Variants in PIGY observed in about 807,000 individuals in gnomAD.
The protein encoded by PIGY is phosphatidylinositol N-acetylglucosaminyltransferase subunit Y.
In PIGY, 3 loss-of-function variants were observed where a neutral mutation model predicts 4.1. The ratio of observed to expected loss-of-function variants is 0.73; its 90% CI spans 0.33 to 1.89. The LOEUF is 1.89. Among genes scored for constraint, PIGY ranks in the 40% most tolerant of loss-of-function variants. The pLI is 0.08. For synonymous variants in PIGY, 33 were observed against 31.4 expected (o/e 1.05, Z -0.18); for missense variants, 78 against 80.3 (o/e 0.97, Z 0.11).
rs1742476383 is a variant in PIGY at position 88,523,748 on chromosome 4, G to A, written c.-491C>T. The A allele has an allele frequency of 1.4e-6, 2 of 1,392,434 alleles. No homozygotes were observed. Among genetic ancestry groups the A allele is most frequent in the Non-Finnish European group, 1.9e-6 (2 of 1,078,382 alleles). 86.3% of individuals were successfully genotyped at this position (1,392,434 alleles called of 1,614,324 possible). A position where few individuals can be genotyped will look rare whatever the true frequency, so the allele number is the denominator to read the frequency against. On this transcript the variant is annotated 5_prime_UTR_variant, in exon 1 of 2. Coordinates refer to ENST00000527353, the MANE Select transcript of PIGY (RefSeq NM_001042616.3). Reference sequence around the variant, plus strand: ...CCTCACCGCAGCCTCGCCACCCGTGGCCGAGCTCCCGGCTTCCCGTTCGTC... The same window carrying A: ...CCTCACCGCAGCCTCGCCACCCGTGACCGAGCTCCCGGCTTCCCGTTCGTC...
At chr4:88,523,462 G>A in intron 1 of PIGY, 36 bp downstream of exon 1, 1 of 1,548,906 alleles carries the variant, frequency 6.5e-7, no homozygotes, top group Non-Finnish European at 8.7e-7. Flanking sequence ...CGCCCACCGG[G>A]AGGCTGCAAA....
Position 88,522,358 on chromosome 4 carries a change from C to G in PIGY, c.-240-329G>C, listed in dbSNP as rs146793473. ...ATTCCTTCATTACTTTGGTCAACCC[C>G]CAAACCATCCCTGTTAATTTACTAC... On this transcript the variant is annotated intron_variant, in intron 1 of 1. Transcript: ENST00000527353. Among the ~76,000 whole-genome samples, 612 of 152,256 alleles carry G rather than the reference C, an allele frequency of 4.0e-3. 6 individuals are homozygous for G. Among genetic ancestry groups the G allele is most frequent in the African/African-American group, 0.013 (547 of 41,544 alleles).
rs1742364298 is a variant in PIGY, at chr4:88,521,305, A to G, written c.*269T>C. Reference sequence around the variant, plus strand: ...GAATGGAATAAGAAATAGTCATCACATGTCAATTAGGGATGTTCATCTCCA... The same window carrying G: ...GAATGGAATAAGAAATAGTCATCACGTGTCAATTAGGGATGTTCATCTCCA... On this transcript the variant is annotated 3_prime_UTR_variant, in exon 2 of 2. Transcript: ENST00000527353. 2.5e-6 allele frequency: 1 copy of G among 407,676 alleles called. No homozygotes were observed. The highest frequency in any genetic ancestry group is 2.0e-5 in the African/African-American group (1 of 50,494). 25.3% of individuals were successfully genotyped at this position (407,676 alleles called of 1,614,324 possible).
Position 88,521,974 on chromosome 4 carries a change from T to C in PIGY, c.-185A>G, listed in dbSNP as rs1369385572. On this transcript the variant is annotated 5_prime_UTR_variant, in exon 2 of 2. Coordinates refer to ENST00000527353, the MANE Select transcript of PIGY (RefSeq NM_001042616.3). ...ATCATATTAGGGATCCCATCAATGA[T>C]TGGATAAGCTATTCCCAACTCTTCA... 4.5e-6 allele frequency: 7 copies of C among 1,551,356 alleles called. No homozygotes were observed. The highest frequency in any genetic ancestry group is 2.0e-5 in the Admixed American group (1 of 50,972).
chr4:88,523,725 T>A lies in PIGY; in HGVS notation c.-468A>T, dbSNP rs998015853. 5.6e-6 allele frequency: 8 copies of A among 1,424,236 alleles called. No individual in the cohort carries two copies. The African/African-American group carries it at 9.0e-5, about 16-fold the overall frequency. The allele number at this position is 1,424,236 out of a possible 1,614,324, so 88.2% of individuals were successfully genotyped here. The stretch of plus-strand genomic sequence containing the variant: ...TGGTCTGGCAGCCGGAGACCAGGCC[T>A]CACCGCAGCCTCGCCACCCGTGGCC... On this transcript the variant is annotated 5_prime_UTR_variant, in exon 1 of 2. Coordinates refer to ENST00000527353, the MANE Select transcript of PIGY (RefSeq NM_001042616.3).
intron 1 of PIGY, among the ~76,000 whole-genome samples, chr4:88,523,288 C>A (rs1742445045): frequency 1.3e-5 from 2 of 152,202 alleles, no homozygotes; most frequent in Non-Finnish European, 1.5e-5. Context: ...GCTGGCGTTG[C>A]GTTCTGGGAG....
rs1742392500 is a variant in PIGY at position 88,522,110 on chromosome 4, A to C, written c.-240-81T>G. On this transcript the variant is annotated intron_variant, in intron 1 of 1. Transcript: ENST00000527353. ...AGCCTGATTTTCAACAAATACCACC[A>C]TTTATCCAATTTTTGGTACGGAGTT... 3 of 1,306,184 alleles carry C rather than the reference A, an allele frequency of 2.3e-6. No individual in the cohort carries two copies. The Admixed American group carries it at 8.5e-5, about 37-fold the overall frequency. 80.9% of individuals were successfully genotyped at this position (1,306,184 alleles called of 1,614,324 possible). A position where few individuals can be genotyped will look rare whatever the true frequency, so the allele number is the denominator to read the frequency against.
At position 88,521,766 on chromosome 4, in the gene PIGY, C is replaced by T; in HGVS notation, c.24G>A (p.Leu8=). 1.2e-6 allele frequency: 2 copies of T among 1,613,052 alleles called. No individual in the cohort carries two copies. Among genetic ancestry groups the T allele is most frequent in the Non-Finnish European group, 1.7e-6 (2 of 1,179,516 alleles). ...AAGAAACCAGTGGAATAAGAACAGT[C>T]AACGTAGGAAGAGACAGAAACATTC... The part of the protein sequence containing the change: MFLSLPT[L]TVLIPLVSLA... Residue 8 remains leucine, a synonymous_variant, in exon 2 of 2, where the codon TTG becomes TTA. Coordinates refer to ENST00000527353, the MANE Select transcript of PIGY (RefSeq NM_001042616.3).
chr4:88,521,631 C>A lies in PIGY; in HGVS notation c.159G>T (p.Val53=). 5 of 1,613,966 alleles carry A rather than the reference C, an allele frequency of 3.1e-6. No individual in the cohort carries two copies. The highest frequency in any genetic ancestry group is 4.2e-6 in the Non-Finnish European group (5 of 1,179,856). Residue 53 remains valine (V), a synonymous_variant, in exon 2 of 2, where the codon GTG becomes GTT. Coordinates refer to ENST00000527353, the MANE Select transcript of PIGY (RefSeq NM_001042616.3). The part of the protein sequence containing the change: ...YSLLLPITIP[V]YVFFHLWTWM... The stretch of plus-strand genomic sequence containing the variant: ...AAGTCCAAAGGTGGAAGAATACATA[C>A]ACTGGTATGGTAATAGGCAAGAGCA...
intron 1 of PIGY, among the ~76,000 whole-genome samples, chr4:88,523,009 G>A (rs1408110187): frequency 6.6e-6 from 1 of 152,154 alleles, no homozygotes; most frequent in Admixed American, 6.6e-5. Flanking sequence ...CAGATAAGCT[G>A]GGCGTGGGGG....
intron 1 of PIGY, 77 bp downstream of exon 1, chr4:88,523,421 T>G: frequency 6.8e-7 from 1 of 1,468,726 alleles, no homozygotes; most frequent in Non-Finnish European, 9.3e-7. Context: ...CCCCAGTGGC[T>G]GCAAGAGGCC....
Position 88,523,478 on chromosome 4 carries a change from G to A in PIGY, c.-241+20C>T. On this transcript the variant is annotated intron_variant, in intron 1 of 1. Transcript: ENST00000527353. ...GCCCACCGGGAGGCTGCAAAGGAAG[G>A]GCCAAGGCCAGCGAGTTACCTGAGC... The A allele has an allele frequency of 6.4e-7, 1 of 1,550,838 alleles. No homozygotes were observed.
At position 88,521,828 on chromosome 4, in the gene PIGY, A is replaced by G; in HGVS notation, c.-39T>C. Reference sequence around the variant, plus strand: ...TTATTACCTGCCACTGTGTTTTAAAAGGTATATGGTATTAAGAAAAGTTGG... The same window carrying G: ...TTATTACCTGCCACTGTGTTTTAAAGGGTATATGGTATTAAGAAAAGTTGG... On this transcript the variant is annotated 5_prime_UTR_variant, in exon 2 of 2. Coordinates refer to ENST00000527353, the MANE Select transcript of PIGY (RefSeq NM_001042616.3). 1 of 1,586,144 alleles carries G rather than the reference A, an allele frequency of 6.3e-7. No individual in the cohort carries two copies. Among genetic ancestry groups the G allele is most frequent in the Non-Finnish European group, 8.6e-7 (1 of 1,165,590 alleles).
intron 1 of PIGY, 115 bp downstream of exon 1, chr4:88,523,383 G>C (rs1742449983): frequency 9.3e-7 from 1 of 1,079,060 alleles, no homozygotes; most frequent in Non-Finnish European, 1.4e-6. Flanking sequence ...GAATGTGGCA[G>C]CGGAGAGTAC....
chr4:88,521,774 G>T lies in PIGY; in HGVS notation c.16C>A (p.Pro6Thr), dbSNP rs1240739090. 3 of 1,612,040 alleles carry T rather than the reference G, an allele frequency of 1.9e-6. No individual in the cohort carries two copies. Among genetic ancestry groups the T allele is most frequent in the African/African-American group, 2.7e-5 (2 of 75,026 alleles). MFLSL[P>T]TLTVLIPLVS... ...AGTGGAATAAGAACAGTCAACGTAGGAAGAGACAGAAACATTCTTCTCTTC... is the reference window on the plus strand; with the variant it reads ...AGTGGAATAAGAACAGTCAACGTAGTAAGAGACAGAAACATTCTTCTCTTC... Residue 6 changes from proline (P) to threonine (T), a missense_variant, in exon 2 of 2, where the codon CCT (proline) becomes ACT (threonine). Physicochemically the swap from Pro to Thr is conservative, Grantham distance 38. Coordinates refer to ENST00000527353, the MANE Select transcript of PIGY (RefSeq NM_001042616.3).
rs1252359478 is a variant in PIGY, at chr4:88,523,447, C to G, written c.-241+51G>C. 5 of 1,542,696 alleles carry G rather than the reference C, an allele frequency of 3.2e-6. No individual in the cohort carries two copies. The African/African-American group carries it at 5.5e-5, about 17-fold the overall frequency. On this transcript the variant is annotated intron_variant, in intron 1 of 1. Transcript: ENST00000527353. ...GCAAGAGGCCGCGGTCCACCGCTCC[C>G]TTTCCGCCCACCGGGAGGCTGCAAA...
chr4:88,523,704 C>T lies in PIGY; in HGVS notation c.-447G>A. 1 of 1,465,174 alleles carries T rather than the reference C, an allele frequency of 6.8e-7. No individual in the cohort carries two copies. Among genetic ancestry groups the T allele is most frequent in the South Asian group, 1.4e-5 (1 of 72,510 alleles). 90.8% of individuals were successfully genotyped at this position (1,465,174 alleles called of 1,614,324 possible). A position where few individuals can be genotyped will look rare whatever the true frequency, so the allele number is the denominator to read the frequency against. On this transcript the variant is annotated 5_prime_UTR_variant, in exon 1 of 2. Coordinates refer to ENST00000527353, the MANE Select transcript of PIGY (RefSeq NM_001042616.3). ...TGCAGCGTGCTCCACTCAGCATGGT[C>T]TGGCAGCCGGAGACCAGGCCTCACC...
At position 88,521,817 on chromosome 4, in the gene PIGY, TG is replaced by T; in HGVS notation, c.-29del. The T allele has an allele frequency of 6.3e-7, 1 of 1,597,038 alleles. No homozygotes were observed. The highest frequency in any genetic ancestry group is 8.5e-7 in the Non-Finnish European group (1 of 1,170,926). On this transcript the variant is annotated 5_prime_UTR_variant, in exon 2 of 2. Transcript: ENST00000527353. ...TTCTCTTCCACTTATTACCTGCCACTGTGTTTTAAAAGGTATATGGTATTAA... is the reference window on the plus strand; with the variant it reads ...TTCTCTTCCACTTATTACCTGCCACTTGTTTTAAAAGGTATATGGTATTAA...
rs752180054 is a variant in PIGY, at chr4:88,521,838, T to C, written c.-49A>G. 1.3e-6 allele frequency: 2 copies of C among 1,576,516 alleles called. No individual in the cohort carries two copies. The highest frequency in any genetic ancestry group is 3.8e-5 in the Admixed American group (2 of 52,964). On this transcript the variant is annotated 5_prime_UTR_variant, in exon 2 of 2. The change creates a new upstream start codon in the 5' untranslated region. Transcript: ENST00000527353. The stretch of plus-strand genomic sequence containing the variant: ...CCACTGTGTTTTAAAAGGTATATGG[T>C]ATTAAGAAAAGTTGGCTGTTGCGTT...
Sources: gnomAD v4.1 joint callset for allele counts (sites outside exome capture counted in the v4.1 genomes callset) on GRCh38, gnomAD v4.1.1 for gene constraint, MANE v1.5 for transcripts, NCBI Gene and HGNC (gene_info 2026-07-23, HGNC 2026-07-21) for gene names.